Variants in PRKN observed in about 807,000 individuals in gnomAD.
PRKN encodes the protein parkin RBR E3 ubiquitin protein ligase, also known as E3 ubiquitin-protein ligase parkin.
Under a neutral mutation model 59.5 loss-of-function variants are expected in PRKN, and 56 were observed. That is an observed-to-expected ratio of 0.94 (90% CI 0.76 to 1.18). The LOEUF is 1.18. Ranked by LOEUF, PRKN falls within the 50% of genes most tolerant of loss-of-function variation. The pLI is 0.00. For missense variants in PRKN, 657 were observed against 596.4 expected (o/e 1.10, Z -1.06); for synonymous variants, 250 against 222.1 (o/e 1.13, Z -1.12).
At chr6:162,432,449 C>T (rs1789584116) in intron 2 of PRKN, among the ~76,000 whole-genome samples, 1 of 152,036 alleles carries the variant, frequency 6.6e-6, no homozygotes, top group Non-Finnish European at 1.5e-5. Flanking sequence ...TCGCTTGAAT[C>T]CAAGAGGTGG....
At chr6:162,463,967 A>T (rs1475642418) in intron 1 of PRKN, among the ~76,000 whole-genome samples, 1 of 152,220 alleles carries the variant, frequency 6.6e-6, no homozygotes, top group East Asian at 1.9e-4. Context: ...TTTAAAGATA[A>T]AAATAAAGCT....
intron 6 of PRKN, among the ~76,000 whole-genome samples, chr6:161,954,887 C>A (rs556690265): frequency 2.6e-5 from 4 of 152,328 alleles, no homozygotes; most frequent in African/African-American, 9.6e-5. Context: ...ATTGGCTCAG[C>A]CAGTTTTTCT....
chr6:161,827,973 C>T (rs1411508250), intron 6 of PRKN, among the ~76,000 whole-genome samples: 3 of 152,204 alleles, frequency 2.0e-5, no homozygotes, highest in Admixed American at 2.0e-4. Flanking sequence ...CACCGTTCTG[C>T]TCATGAATTT....
intron 2 of PRKN, among the ~76,000 whole-genome samples, chr6:162,378,393 C>T (rs537304170): frequency 9.8e-5 from 15 of 152,332 alleles, no homozygotes; most frequent in African/African-American, 2.4e-4. Context: ...CACTTAGCAG[C>T]GGCTACCAAA....
At chr6:162,218,191 C>T (rs142990421) in intron 3 of PRKN, among the ~76,000 whole-genome samples, 5,015 of 152,240 alleles carry the variant, frequency 0.033, 116 homozygotes, top group Non-Finnish European at 0.046. Context: ...TTCCAGAAGG[C>T]GGTGCTGACC....
rs143029804 is a variant in PRKN, at chr6:161,501,826, G to A, written c.1083+47028C>T. ...CTATAAACCAAACAGACAGGCCTTG[G>A]ACAGACAGGGGTTTCCTTCAGGCAG... On this transcript the variant is annotated intron_variant, in intron 9 of 11. Coordinates refer to ENST00000366898, the MANE Select transcript of PRKN (RefSeq NM_004562.3). Among the ~76,000 whole-genome samples the A allele has an allele frequency of 1.1e-4, 16 of 152,262 alleles. No homozygotes were observed. The East Asian group carries it at 3.1e-3, about 29-fold the overall frequency.
At chr6:161,754,831 G>T (rs962489346) in intron 7 of PRKN, among the ~76,000 whole-genome samples, 1 of 152,224 alleles carries the variant, frequency 6.6e-6, no homozygotes, top group African/African-American at 2.4e-5. Flanking sequence ...CGTGGTGCCA[G>T]ATGATGGCAT....
At chr6:162,353,345 T>G (rs1784701449) in intron 2 of PRKN, among the ~76,000 whole-genome samples, 1 of 151,850 alleles carries the variant, frequency 6.6e-6, no homozygotes, top group Admixed American at 6.6e-5. Flanking sequence ...GCACAAAAAT[T>G]ACTGGAACTG....
chr6:161,681,763 C>T (rs1785374395), intron 7 of PRKN, among the ~76,000 whole-genome samples: 1 of 152,264 alleles, frequency 6.6e-6, no homozygotes, highest in Non-Finnish European at 1.5e-5. Context: ...CTGCCGCTGC[C>T]CTTTGGAGCT....
At chr6:162,214,352 G>C (rs1302439964) in intron 3 of PRKN, among the ~76,000 whole-genome samples, 1 of 152,280 alleles carries the variant, frequency 6.6e-6, no homozygotes, top group Non-Finnish European at 1.5e-5. Context: ...AGAAACCACA[G>C]CACAGACTGC....
At position 161,385,067 on chromosome 6, in the gene PRKN, T is replaced by C. The variant is rs957942188; in HGVS notation, c.1167+1727A>G. Reference sequence around the variant, plus strand: ...GCCTCAGCCTCCTGAATAGCTGGGATTACAGGTGCACGCCACCACACCCAG... The same window carrying C: ...GCCTCAGCCTCCTGAATAGCTGGGACTACAGGTGCACGCCACCACACCCAG... On this transcript the variant is annotated intron_variant, in intron 10 of 11. Transcript: ENST00000366898. The surrounding 1 kb of genome is among the most constrained non-coding windows in gnomAD (Gnocchi z 4.9). Among the ~76,000 whole-genome samples, 1 of 151,998 alleles carries C rather than the reference T, an allele frequency of 6.6e-6. No homozygotes were observed. Among genetic ancestry groups the C allele is most frequent in the Non-Finnish European group, 1.5e-5 (1 of 67,986 alleles).
chr6:162,173,432 A>G (rs900800819), intron 4 of PRKN, among the ~76,000 whole-genome samples: 17 of 152,190 alleles, frequency 1.1e-4, no homozygotes, highest in South Asian at 4.1e-4. Flanking sequence ...TGGCAACTCC[A>G]TAAAAACTGA....
chr6:162,336,026 C>T (rs529370797), intron 2 of PRKN, among the ~76,000 whole-genome samples: 1 of 151,732 alleles, frequency 6.6e-6, no homozygotes, highest in South Asian at 2.1e-4. Context: ...CACTGGAATG[C>T]GTGATGCTAA....
intron 7 of PRKN, among the ~76,000 whole-genome samples, chr6:161,596,356 C>A (rs1446389417): frequency 1.3e-5 from 2 of 152,182 alleles, no homozygotes; most frequent in Non-Finnish European, 2.9e-5. Context: ...AAACAGTTTA[C>A]ACCTAAAAGT....
chr6:162,141,272 G>A (rs1781767970), intron 4 of PRKN, among the ~76,000 whole-genome samples: 1 of 152,138 alleles, frequency 6.6e-6, no homozygotes, highest in African/African-American at 2.4e-5. Context: ...TCTCTCAAAA[G>A]TAAGTTTTCT....
intron 1 of PRKN, among the ~76,000 whole-genome samples, chr6:162,532,970 T>G (rs1432049552): frequency 1.3e-5 from 2 of 152,236 alleles, no homozygotes; most frequent in African/African-American, 2.4e-5. Context: ...GTCTTGGCAA[T>G]GTCAGTTCCC....
chr6:162,377,172 G>C (rs1786154200), intron 2 of PRKN, among the ~76,000 whole-genome samples: 1 of 152,156 alleles, frequency 6.6e-6, no homozygotes, highest in African/African-American at 2.4e-5. Flanking sequence ...ACCCTCTAAA[G>C]TAATAAAAGT....
intron 1 of PRKN, among the ~76,000 whole-genome samples, chr6:162,627,105 T>C (rs1782927528): frequency 1.3e-5 from 2 of 152,156 alleles, no homozygotes; most frequent in Non-Finnish European, 2.9e-5. Context: ...CATAATCCTA[T>C]CATCTCAAAC....
At chr6:162,011,361 AAT>A (rs1434427538) in intron 5 of PRKN, among the ~76,000 whole-genome samples, 2 of 18,812 alleles carry the variant, frequency 1.1e-4, no homozygotes, top group Non-Finnish European at 1.0e-4. Flanking sequence ...ATATATTTAT[AAT>A]ATATATAATA....
Sources: allele counts gnomAD v4.1 joint callset (sites outside exome capture counted in the v4.1 genomes callset), GRCh38; gene constraint gnomAD v4.1.1; non-coding constraint Gnocchi (gnomAD v3.1); transcripts MANE v1.5; gene names NCBI Gene and HGNC (gene_info 2026-07-23, HGNC 2026-07-21).